The following ARID5A variants were observed in gnomAD, a reference collection of about 807,000 sequenced individuals.
The protein encoded by ARID5A is AT-rich interaction domain 5A, also known as AT-rich interactive domain-containing protein 5A.
Under a neutral mutation model 30.5 loss-of-function variants are expected in ARID5A, and 14 were observed. The ratio of observed to expected loss-of-function variants is 0.46; its 90% confidence interval spans 0.30 to 0.72. The LOEUF is 0.72. Among genes scored for constraint, ARID5A ranks in the 30% least tolerant of loss-of-function variants. The probability of loss-of-function intolerance (pLI) is 0.07; values close to 1 mark genes in which losing one functional copy is unlikely to be tolerated. For missense variants in ARID5A, 669 were observed against 786.2 expected, an observed-to-expected ratio of 0.85 and a Z score of 1.78; for synonymous variants, 338 against 340.4, an observed-to-expected ratio of 0.99 and a Z score of 0.08.
intron 1 of ARID5A, among the ~76,000 whole-genome samples, chr2:96,544,218 G>A (rs2065888703): frequency 6.6e-6 from 1 of 152,264 alleles, no homozygotes; most frequent in Non-Finnish European, 1.5e-5. Flanking sequence ...GGCTGGTGTA[G>A]AAGCTGCAGC....
In ARID5A at chr2:96,549,422, G is replaced by C; in HGVS notation, c.222G>C (p.Thr74=). The C allele has an allele frequency of 6.2e-7, 1 of 1,613,864 alleles. No individual in the cohort carries two copies. Among genetic ancestry groups the C allele is most frequent in the Non-Finnish European group, 8.5e-7 (1 of 1,179,922 alleles). Residue 74 remains threonine, a synonymous_variant, in exon 3 of 7, where the codon ACG becomes ACC. Coordinates refer to ENST00000357485, the MANE Select transcript of ARID5A (RefSeq NM_212481.3). The surrounding 1 kb of genome is among the most constrained non-coding windows in gnomAD (Gnocchi z 6.1). ...SLYKFMKERH[T]PIERVPHLGF... Reference sequence around the variant, plus strand: ...ACAAGTTCATGAAGGAGCGACACACGCCCATCGAGAGGGTGCCCCATCTCG... The same window carrying C: ...ACAAGTTCATGAAGGAGCGACACACCCCCATCGAGAGGGTGCCCCATCTCG...
rs898995857 is a variant in ARID5A at position 96,539,191 on chromosome 2, G to T, written c.4+2361G>T. The stretch of plus-strand genomic sequence containing the variant: ...GAGAACATTGGGCACATTGAGTCTA[G>T]CACGCCCATCTTGTAGATGGGGAAA... On this transcript the variant is annotated intron_variant, in intron 1 of 6. Coordinates refer to ENST00000357485, the MANE Select transcript of ARID5A (RefSeq NM_212481.3). The surrounding 1 kb of genome is among the most constrained non-coding windows in gnomAD (Gnocchi z 4.7). Among the ~76,000 whole-genome samples the T allele has an allele frequency of 6.6e-6, 1 of 152,206 alleles. No homozygotes were observed.
In ARID5A at chr2:96,550,715, G is replaced by A. The variant is rs749830072; in HGVS notation, c.552G>A (p.Glu184=). The A allele has an allele frequency of 1.9e-6, 3 of 1,582,422 alleles. No homozygotes were observed. The highest frequency in any genetic ancestry group is 1.8e-5 in the Admixed American group (1 of 55,156). Residue 184 remains glutamate (E), a synonymous_variant, in exon 6 of 7, where the codon GAG becomes GAA. Coordinates refer to ENST00000357485, the MANE Select transcript of ARID5A (RefSeq NM_212481.3). The surrounding 1 kb of genome is among the most constrained non-coding windows in gnomAD (Gnocchi z 6.6). ...CCGAGAGGCCGAAGAAGGCCAAGGA[G>A]GAGCGGCGCATGGACCAGGTAGGCC... ...GATERPKKAK[E]ERRMDQMMPG...
rs1403769354 is a variant in ARID5A at position 96,536,907 on chromosome 2, C to A, written c.4+77C>A. 14 of 1,221,020 alleles carry A rather than the reference C, an allele frequency of 1.1e-5. No homozygotes were observed. The African/African-American group carries it at 2.2e-4, about 19-fold the overall frequency. The allele number at this position is 1,221,020 out of a possible 1,614,324, so 75.6% of individuals were successfully genotyped here. ...AGGTTCAAGGTGCCGGCGCCGGGTC[C>A]CCTCCAGCCCTCGTGGCAGTCGGTG... is the stretch of plus-strand genomic sequence containing the variant. On this transcript the variant is annotated intron_variant, in intron 1 of 6. Coordinates refer to ENST00000357485, the MANE Select transcript of ARID5A (RefSeq NM_212481.3).
rs2065987165 is a variant in ARID5A, at chr2:96,549,462, G to A, written c.259+3G>A. 1.2e-6 allele frequency: 2 copies of A among 1,612,700 alleles called. No homozygotes were observed. Among genetic ancestry groups the A allele is most frequent in the Non-Finnish European group, 1.7e-6 (2 of 1,179,332 alleles). Reference sequence around the variant, plus strand: ...GCCCCATCTCGGCTTCAAGCAGAGTGCGTCCCTGGGGTGCAGGCAGGGAGG... The same window carrying A: ...GCCCCATCTCGGCTTCAAGCAGAGTACGTCCCTGGGGTGCAGGCAGGGAGG... On this transcript the variant is annotated splice_donor_region_variant and intron_variant, in intron 3 of 6. Coordinates refer to ENST00000357485, the MANE Select transcript of ARID5A (RefSeq NM_212481.3). The surrounding 1 kb of genome is among the most constrained non-coding windows in gnomAD (Gnocchi z 6.1).
rs2066024751 is a variant in ARID5A at position 96,550,795 on chromosome 2, A to G, written c.570+62A>G. ...GCCTCTTGTAGCCCCCTACCCCACA[A>G]CTCCCTGTGGCCGCGGAGCTGTCTG... is the stretch of plus-strand genomic sequence containing the variant. On this transcript the variant is annotated intron_variant, in intron 6 of 6. Coordinates refer to ENST00000357485, the MANE Select transcript of ARID5A (RefSeq NM_212481.3). This position sits in a 1 kb window ranked among gnomAD's most constrained non-coding sequence, Gnocchi z 6.6. 2.7e-6 allele frequency: 4 copies of G among 1,480,458 alleles called. No individual in the cohort carries two copies. In the East Asian group the frequency reaches 7.4e-5, roughly 28 times the overall value. The allele number at this position is 1,480,458 out of a possible 1,614,324, so 91.7% of individuals were successfully genotyped here. A position where few individuals can be genotyped will look rare whatever the true frequency, so the allele number is the denominator to read the frequency against.
chr2:96,542,672 G>T (rs1237257423), intron 1 of ARID5A, among the ~76,000 whole-genome samples: 1 of 152,192 alleles, frequency 6.6e-6, no homozygotes, highest in South Asian at 2.1e-4. Flanking sequence ...TGATTCTGAT[G>T]GGCCCTGTCT....
chr2:96,550,359 G>A lies in ARID5A; in HGVS notation c.410+74G>A, dbSNP rs1356815738. Reference sequence around the variant, plus strand: ...TTTGGCCGACCTTGCCGGGAGGGCCGGGTGGACTCTGCCCGGAGCGGGCAG... The same window carrying A: ...TTTGGCCGACCTTGCCGGGAGGGCCAGGTGGACTCTGCCCGGAGCGGGCAG... On this transcript the variant is annotated intron_variant, in intron 5 of 6. Coordinates refer to ENST00000357485, the MANE Select transcript of ARID5A (RefSeq NM_212481.3). This position sits in a 1 kb window ranked among gnomAD's most constrained non-coding sequence, Gnocchi z 6.6. 2.1e-6 allele frequency: 3 copies of A among 1,423,706 alleles called. No individual in the cohort carries two copies. The highest frequency in any genetic ancestry group is 2.7e-6 in the Non-Finnish European group (3 of 1,095,918). 88.2% of individuals were successfully genotyped at this position (1,423,706 alleles called of 1,614,324 possible).
Position 96,536,774 on chromosome 2 carries a change from G to A in ARID5A, c.-53G>A, listed in dbSNP as rs1328360707. 3 of 1,219,118 alleles carry A rather than the reference G, an allele frequency of 2.5e-6. No homozygotes were observed. The highest frequency in any genetic ancestry group is 4.1e-5 in the South Asian group (1 of 24,162). 75.5% of individuals were successfully genotyped at this position (1,219,118 alleles called of 1,614,324 possible). On this transcript the variant is annotated 5_prime_UTR_variant, in exon 1 of 7. Coordinates refer to ENST00000357485, the MANE Select transcript of ARID5A (RefSeq NM_212481.3). ...AGTATCTCAGAGAGCGCGGGGTCCG[G>A]ACAGCCGCGCGCTGAGGGTCTCGGG...
chr2:96,536,991 G>T (rs1322510073), intron 1 of ARID5A, among the ~76,000 whole-genome samples, 161 bp downstream of exon 1: 1 of 152,018 alleles, frequency 6.6e-6, no homozygotes, highest in African/African-American at 2.4e-5. Context: ...CAAGGGGAGC[G>T]AGCCCGGCCC....
At chr2:96,543,615 A>G (rs76101541) in intron 1 of ARID5A, among the ~76,000 whole-genome samples, 1 of 152,004 alleles carries the variant, frequency 6.6e-6, no homozygotes. Flanking sequence ...TAAATCGATA[A>G]ATGTTGTGTG....
chr2:96,547,167 T>A (rs1359464898), intron 1 of ARID5A, among the ~76,000 whole-genome samples: 3 of 151,152 alleles, frequency 2.0e-5, no homozygotes, highest in East Asian at 3.9e-4. Context: ...TTTTTTTTTT[T>A]AATAATAGAG....
rs773876068 is a variant in ARID5A at position 96,551,861 on chromosome 2, C to G, written c.1333C>G (p.Arg445Gly). ...FPSSPGLGSK[R>G]SLEEEGAAHS... is the part of the protein sequence containing the mutation. Reference sequence around the variant, plus strand: ...CAGTAGCCCAGGCCTGGGCAGCAAGCGCAGCCTGGAGGAAGAGGGTGCTGC... The same window carrying G: ...CAGTAGCCCAGGCCTGGGCAGCAAGGGCAGCCTGGAGGAAGAGGGTGCTGC... The change falls in exon 7 of 7, where the codon CGC (arginine) becomes GGC (glycine). Residue 445 changes from arginine to glycine, a missense_variant. Transcript: ENST00000357485. The G allele has an allele frequency of 5.7e-6, 9 of 1,591,540 alleles. No individual in the cohort carries two copies. Among genetic ancestry groups the G allele is most frequent in the Non-Finnish European group, 6.8e-6 (8 of 1,170,536 alleles).
At chr2:96,536,889 A>G in intron 1 of ARID5A, 59 bp downstream of exon 1, 5 of 1,223,834 alleles carry the variant, frequency 4.1e-6, no homozygotes, top group Non-Finnish European at 5.1e-6. Flanking sequence ...GGGAGGTTCA[A>G]GGTGCCGGCG....
At chr2:96,547,541 T>C (rs1288981014) in intron 2 of ARID5A, 24 bp downstream of exon 2, 1 of 1,608,054 alleles carries the variant, frequency 6.2e-7, no homozygotes, top group Admixed American at 1.7e-5. Context: ...CTCTGCTGAC[T>C]CCCTGGGCAC....
intron 1 of ARID5A, among the ~76,000 whole-genome samples, chr2:96,542,933 A>C (rs559185206): frequency 6.6e-6 from 1 of 152,252 alleles, no homozygotes; most frequent in Admixed American, 6.5e-5. Flanking sequence ...GCTAGCAAAG[A>C]ACTCAAGGAT....
In ARID5A at chr2:96,550,782, C is replaced by G. The variant is rs1295864822; in HGVS notation, c.570+49C>G. The G allele has an allele frequency of 6.7e-7, 1 of 1,497,074 alleles. No homozygotes were observed. The highest frequency in any genetic ancestry group is 1.4e-5 in the African/African-American group (1 of 70,702). The allele number at this position is 1,497,074 out of a possible 1,614,324, so 92.7% of individuals were successfully genotyped here. ...CACCCTGTCCCTTGCCTCTTGTAGC[C>G]CCCTACCCCACAACTCCCTGTGGCC... is the stretch of plus-strand genomic sequence containing the variant. On this transcript the variant is annotated intron_variant, in intron 6 of 6. Coordinates refer to ENST00000357485, the MANE Select transcript of ARID5A (RefSeq NM_212481.3). The surrounding 1 kb of genome is among the most constrained non-coding windows in gnomAD (Gnocchi z 6.6).
In ARID5A at chr2:96,549,726, C is replaced by G; in HGVS notation, c.260-27C>G. 1.2e-6 allele frequency: 2 copies of G among 1,613,912 alleles called. No individual in the cohort carries two copies. The highest frequency in any genetic ancestry group is 2.2e-5 in the East Asian group (1 of 44,888). ...TGTCCCCACCTCCCACAGAGACTGA[C>G]GGCCAGCCTGCTCTTCTCTCCCCCA... is the stretch of plus-strand genomic sequence containing the variant. On this transcript the variant is annotated intron_variant, in intron 3 of 6. Transcript: ENST00000357485. This position sits in a 1 kb window ranked among gnomAD's most constrained non-coding sequence, Gnocchi z 6.1.
Position 96,552,266 on chromosome 2 carries a change from A to G in ARID5A, c.1738A>G (p.Thr580Ala), listed in dbSNP as rs769709927. The change falls in exon 7 of 7, where the codon ACA becomes GCA. Residue 580 changes from threonine (T) to alanine (A), a missense_variant. Thr to Ala is a moderately conservative substitution (Grantham distance 58, BLOSUM62 0). Coordinates refer to ENST00000357485, the MANE Select transcript of ARID5A (RefSeq NM_212481.3). ...ATCTGCCTGGCACGCACCACCAGTC[A>G]CAACCTATGCAGCGCCCCACTTCTT... ...ASSAWHAPPV[T>A]TYAAPHFFHL... The G allele has an allele frequency of 2.9e-5, 46 of 1,613,088 alleles. No individual in the cohort carries two copies. The highest frequency in any genetic ancestry group is 3.3e-5 in the Non-Finnish European group (39 of 1,179,814).
Sources: gnomAD v4.1 joint callset for allele counts (sites outside exome capture counted in the v4.1 genomes callset) on GRCh38, gnomAD v4.1.1 for gene constraint, Gnocchi (gnomAD v3.1) non-coding constraint, MANE v1.5 for transcripts, NCBI Gene and HGNC (gene_info 2026-07-23, HGNC 2026-07-21) for gene names.